Variants in AASDH observed in about 807,000 individuals in gnomAD.
AASDH encodes the protein beta-alanine-activating enzyme.
A neutral mutation model predicts 102.3 loss-of-function variants in AASDH; 81 were observed. The ratio of observed to expected loss-of-function variants is 0.79; its 90% CI spans 0.66 to 0.95. The LOEUF is 0.95. Among genes scored for constraint, AASDH ranks in the 40% least tolerant of loss-of-function variants. The pLI is 0.00. For missense variants in AASDH, 1,203 were observed against 1,266.2 expected (o/e 0.95, Z 0.76); for synonymous variants, 398 against 454.0 (o/e 0.88, Z 1.57).
chr4:56,344,342 A>G (rs1748068779), intron 12 of AASDH, among the ~76,000 whole-genome samples: 1 of 152,114 alleles, frequency 6.6e-6, no homozygotes, highest in South Asian at 2.1e-4. Flanking sequence ...TTCTAATCTA[A>G]CACCATTTGT....
rs749715048 is a variant in AASDH at position 56,338,517 on chromosome 4, T to TAAAC, written c.3178_3181dup (p.Tyr1061CysfsTer3). On this transcript the variant is annotated frameshift_variant, in exon 15 of 15. Transcript: ENST00000205214. LOFTEE classifies it high-confidence loss of function. Reference sequence around the variant, plus strand: ...AGAGAAGACTTCTCCAGGAAGTTCATAAACACTTTGCAATTGTCCACTCTG... The same window carrying TAAAC: ...AGAGAAGACTTCTCCAGGAAGTTCATAAACAAACACTTTGCAATTGTCCACTCTG... 4.9e-5 allele frequency: 79 copies of TAAAC among 1,613,906 alleles called. No homozygotes were observed. Among genetic ancestry groups the TAAAC allele is most frequent in the Admixed American group, 4.5e-4 (27 of 59,964 alleles).
rs1751727582 is a variant in AASDH at position 56,371,662 on chromosome 4, C to T, written c.669-19G>A. On this transcript the variant is annotated intron_variant, in intron 4 of 14. Coordinates refer to ENST00000205214, the MANE Select transcript of AASDH (RefSeq NM_181806.4). ...AAGTACCCTAAGGCAAAACAGAATG[C>T]AGTTATGAGAAACGTCAAACATTCA... is the stretch of plus-strand genomic sequence containing the variant. The T allele has an allele frequency of 6.9e-6, 11 of 1,585,202 alleles. No individual in the cohort carries two copies. Among genetic ancestry groups the T allele is most frequent in the South Asian group, 1.2e-5 (1 of 86,058 alleles).
intron 1 of AASDH, among the ~76,000 whole-genome samples, chr4:56,386,428 T>C (rs897616649): frequency 1.3e-5 from 2 of 152,174 alleles, no homozygotes; most frequent in African/African-American, 2.4e-5. Context: ...TTTTCATTCA[T>C]TGAATCACAA....
chr4:56,350,233 T>C (rs1748844254), intron 10 of AASDH, among the ~76,000 whole-genome samples, 175 bp from the exon 11 acceptor site: 2 of 152,154 alleles, frequency 1.3e-5, no homozygotes, highest in African/African-American at 4.8e-5. Flanking sequence ...GGCGGGCAGA[T>C]CACATGAGGT....
At chr4:56,354,843 A>C (rs759029491) in intron 6 of AASDH, 32 bp from the exon 7 acceptor site, 2 of 1,509,258 alleles carry the variant, frequency 1.3e-6, no homozygotes. Flanking sequence ...CAGATTTAAA[A>C]TTTTTCATTT....
At chr4:56,382,982 G>A (rs28520309) in intron 2 of AASDH, among the ~76,000 whole-genome samples, 1,769 of 152,280 alleles carry the variant, frequency 0.012, 30 homozygotes, top group African/African-American at 0.04. Context: ...GCTTGAACCC[G>A]GGAGGCGGAG....
intron 7 of AASDH, 80 bp from the exon 8 acceptor site, chr4:56,354,291 T>G: frequency 7.8e-7 from 1 of 1,284,864 alleles, no homozygotes; most frequent in Non-Finnish European, 1.0e-6. Flanking sequence ...TCTCCAAAAG[T>G]TCAGTGACTA....
chr4:56,338,598 T>C lies in AASDH; in HGVS notation c.3101A>G (p.Asn1034Ser). ...PFAFHNYNGS[N>S]EMLLAAASTD... is the part of the protein sequence containing the mutation. ...AGATGCTGCTGCCAGCAACATTTCA[T>C]TGCTGCCATTGTAGTTATGGAAAGC... The change falls in exon 15 of 15, where the codon AAT becomes AGT. Residue 1034 changes from asparagine to serine, a missense_variant. Physicochemically the swap from Asn to Ser is conservative, Grantham distance 46 (BLOSUM62 1). Transcript: ENST00000205214. The C allele has an allele frequency of 1.2e-6, 2 of 1,614,256 alleles. No homozygotes were observed. The highest frequency in any genetic ancestry group is 1.7e-6 in the Non-Finnish European group (2 of 1,180,046).
intron 5 of AASDH, among the ~76,000 whole-genome samples, chr4:56,369,488 G>A (rs1373112094): frequency 6.6e-6 from 1 of 152,092 alleles, no homozygotes. Context: ...GCTACACTCG[G>A]TTCATATATA....
At chr4:56,374,239 C>T (rs1477186100) in intron 4 of AASDH, among the ~76,000 whole-genome samples, 1 of 151,826 alleles carries the variant, frequency 6.6e-6, no homozygotes. Context: ...ATTAGCCAGG[C>T]ATAGTGGCGT....
chr4:56,387,110 A>G (rs1753660398), intron 1 of AASDH, among the ~76,000 whole-genome samples: 1 of 152,128 alleles, frequency 6.6e-6, no homozygotes, highest in Non-Finnish European at 1.5e-5. Flanking sequence ...AAACCACTCT[A>G]GGGGGTAGCT....
chr4:56,373,146 GT>G (rs1751943338), intron 4 of AASDH, among the ~76,000 whole-genome samples: 2 of 151,942 alleles, frequency 1.3e-5, no homozygotes, highest in African/African-American at 4.8e-5. Context: ...TAGTTTTTTT[GT>G]TTTTGTTTTT....
intron 5 of AASDH, among the ~76,000 whole-genome samples, chr4:56,365,973 C>G (rs1750946718): frequency 6.6e-6 from 1 of 151,870 alleles, no homozygotes; most frequent in Admixed American, 6.6e-5. Flanking sequence ...AGACTGCTAG[C>G]AAGACTAATA....
At chr4:56,357,519 C>A (rs192094908) in intron 5 of AASDH, among the ~76,000 whole-genome samples, 25 of 152,010 alleles carry the variant, frequency 1.6e-4, no homozygotes, top group Middle Eastern at 3.4e-3. Context: ...CCCAAAACTA[C>A]CTGTGTACCA....
intron 3 of AASDH, among the ~76,000 whole-genome samples, chr4:56,379,322 G>A (rs1752710181): frequency 6.6e-6 from 1 of 152,092 alleles, no homozygotes; most frequent in Admixed American, 6.5e-5. Flanking sequence ...TAGCAGAGAC[G>A]ATGTCTCACT....
Position 56,354,122 on chromosome 4 carries a change from C to T in AASDH, c.1300G>A (p.Asp434Asn), listed in dbSNP as rs749580476. 6.2e-7 allele frequency: 1 copy of T among 1,613,494 alleles called. No individual in the cohort carries two copies. ...RATGDFVTVK[D>N]GEIFFLGRKD... ...CGTCCCAAAAAAAAAATCTCTCCAT[C>T]TTTCACAGTCACAAAGTCTCCTGTA... The change falls in exon 8 of 15, where the codon GAT becomes AAT. Residue 434 changes from aspartate to asparagine, a missense_variant. Transcript: ENST00000205214.
Position 56,338,478 on chromosome 4 carries a change from A to C in AASDH, c.3221T>G (p.Leu1074Arg). Reference sequence around the variant, plus strand: ...ACACCCAATAATGAGCATTGATTCCAGGACCACAGGAGAAGAGAAGACTTC... The same window carrying C: ...ACACCCAATAATGAGCATTGATTCCCGGACCACAGGAGAAGAGAAGACTTC... ...PGEVFSSPVV[L>R]ESMLIIGCRD... The change falls in exon 15 of 15, where the codon CTG becomes CGG. Residue 1074 changes from leucine to arginine, a missense_variant. Leu to Arg is a moderately radical substitution (Grantham distance 102, BLOSUM62 -2). Transcript: ENST00000205214. 6.2e-7 allele frequency: 1 copy of C among 1,614,052 alleles called. No individual in the cohort carries two copies. The highest frequency in any genetic ancestry group is 8.5e-7 in the Non-Finnish European group (1 of 1,180,000).
At chr4:56,344,347 ATTTG>A (rs886452070) in intron 12 of AASDH, among the ~76,000 whole-genome samples, 7 of 152,100 alleles carry the variant, frequency 4.6e-5, no homozygotes, top group African/African-American at 7.2e-5. Flanking sequence ...ATCTAACACC[ATTTG>A]TTTATCTCAA....
At chr4:56,347,487 T>C (rs1560569186) in intron 11 of AASDH, among the ~76,000 whole-genome samples, 1 of 152,042 alleles carries the variant, frequency 6.6e-6, no homozygotes, top group African/African-American at 2.4e-5. Flanking sequence ...AAAAAGAGAG[T>C]TGTAGTCAGG....
Sources: allele counts gnomAD v4.1 joint callset (sites outside exome capture counted in the v4.1 genomes callset), GRCh38; gene constraint gnomAD v4.1.1; transcripts MANE v1.5; gene names NCBI Gene and HGNC (gene_info 2026-07-23, HGNC 2026-07-21).